The following SCLT1 variants were observed in gnomAD, a reference collection of about 807,000 sequenced individuals.
SCLT1 encodes the protein sodium channel-associated protein 1.
SCLT1 carries 78 observed loss-of-function variants against 112.8 expected under a neutral mutation model. That is an observed-to-expected ratio of 0.69 (90% CI 0.58 to 0.83). The LOEUF (loss-of-function observed/expected upper bound fraction) is 0.83, where lower values mean the gene tolerates loss of function less well. Among genes scored for constraint, SCLT1 ranks in the 40% least tolerant of loss-of-function variants. SCLT1 has a pLI of 0.00. For missense variants in SCLT1, 747 were observed against 770.4 expected (o/e 0.97, Z 0.36); for synonymous variants, 257 against 254.7 (o/e 1.01, Z -0.09).
At chr4:128,956,538 T>C (rs1450488373) in intron 13 of SCLT1, among the ~76,000 whole-genome samples, 2 of 152,088 alleles carry the variant, frequency 1.3e-5, no homozygotes, top group Non-Finnish European at 2.9e-5. Context: ...ATTTTTTTCT[T>C]TACACCATGA....
At chr4:128,986,034 A>G (rs1191989797) in intron 9 of SCLT1, among the ~76,000 whole-genome samples, 2 of 152,236 alleles carry the variant, frequency 1.3e-5, no homozygotes, top group Admixed American at 1.3e-4. Flanking sequence ...CATGTGAGTG[A>G]TCACAATACC....
At chr4:129,053,280 T>C (rs775486616) in intron 2 of SCLT1, among the ~76,000 whole-genome samples, 2 of 152,134 alleles carry the variant, frequency 1.3e-5, no homozygotes, top group African/African-American at 2.4e-5. Context: ...GTCCAGGATA[T>C]TCTTGTTAAT....
chr4:129,039,900 G>GCACACA (rs36041794), intron 4 of SCLT1: 91 of 218,898 alleles, frequency 4.2e-4, no homozygotes, highest in Middle Eastern at 1.6e-3. Context: ...GTGCGCGCGC[G>GCACACA]CACACACACA....
chr4:128,891,242 G>C (rs1276390926), intron 18 of SCLT1, 105 bp from the exon 19 acceptor site: 6 of 835,614 alleles, frequency 7.2e-6, no homozygotes, highest in Non-Finnish European at 9.7e-6. Context: ...ATATCATCTT[G>C]AGGTGGAAAA....
intron 18 of SCLT1, among the ~76,000 whole-genome samples, chr4:128,906,057 C>T (rs777854959): frequency 6.6e-6 from 1 of 151,984 alleles, no homozygotes; most frequent in Non-Finnish European, 1.5e-5. Context: ...TTTTTTTAGC[C>T]TATGCATGCT....
In SCLT1 at chr4:128,965,283, T is replaced by C; in HGVS notation, c.813A>G (p.Glu271=). Residue 271 remains glutamate (E), a synonymous_variant, in exon 11 of 21, where the codon GAA becomes GAG. Coordinates refer to ENST00000281142, the MANE Select transcript of SCLT1 (RefSeq NM_144643.4). ...ACTGCTGTAAACGCCTATCTGATGC[T>C]TCCTCTCTTCCATGGGCAGACACCA... ...KDVVSAHGRE[E]ASDRRLQQLQ... 2 of 1,610,248 alleles carry C rather than the reference T, an allele frequency of 1.2e-6. No individual in the cohort carries two copies. The highest frequency in any genetic ancestry group is 1.7e-6 in the Non-Finnish European group (2 of 1,176,690).
At chr4:129,092,869 G>T (rs2125792877) in intron 1 of SCLT1, among the ~76,000 whole-genome samples, 1 of 152,278 alleles carries the variant, frequency 6.6e-6, no homozygotes, top group Admixed American at 6.5e-5. Flanking sequence ...TTCTGTGTAA[G>T]CTACAAGTAC....
At chr4:128,938,091 A>G (rs1268143467) in intron 17 of SCLT1, among the ~76,000 whole-genome samples, 1 of 152,248 alleles carries the variant, frequency 6.6e-6, no homozygotes, top group African/African-American at 2.4e-5. Context: ...CTAAAGAAGT[A>G]TAAAGAACAC....
At chr4:128,995,499 A>AT (rs977522066) in intron 8 of SCLT1, among the ~76,000 whole-genome samples, 3 of 151,836 alleles carry the variant, frequency 2.0e-5, no homozygotes, top group African/African-American at 7.3e-5. Context: ...CTGGTTCTTC[A>AT]TTTTTCCTTG....
chr4:129,074,703 T>TA (rs1751313799), intron 2 of SCLT1, among the ~76,000 whole-genome samples: 1 of 152,192 alleles, frequency 6.6e-6, no homozygotes, highest in South Asian at 2.1e-4. Flanking sequence ...AATTTCTATT[T>TA]ATCTTTTTAA....
chr4:129,036,684 T>C (rs1392081734), intron 5 of SCLT1: 1 of 151,574 alleles, frequency 6.6e-6, no homozygotes, highest in Non-Finnish European at 1.5e-5. Context: ...GAAAGAAAAC[T>C]AATGGAAAAT....
chr4:128,902,908 ACAG>A (rs1734431241), intron 18 of SCLT1, among the ~76,000 whole-genome samples: 1 of 152,142 alleles, frequency 6.6e-6, no homozygotes. Context: ...CAACGCCTAC[ACAG>A]GGTCAGGATT....
rs1753028483 is a variant in SCLT1, at chr4:129,093,354, C to A, written c.-251G>T. 3.6e-6 allele frequency: 2 copies of A among 560,534 alleles called. No individual in the cohort carries two copies. The highest frequency in any genetic ancestry group is 3.2e-6 in the Non-Finnish European group (1 of 312,998). The allele number at this position is 560,534 out of a possible 1,614,324, so 34.7% of individuals were successfully genotyped here. A position where few individuals can be genotyped will look rare whatever the true frequency, so the allele number is the denominator to read the frequency against. ...GGACTCCACGTTCAACCGAATCCCACGCTGGTGGGAAGAGGACGCGGTCGA... is the reference window on the plus strand; with the variant it reads ...GGACTCCACGTTCAACCGAATCCCAAGCTGGTGGGAAGAGGACGCGGTCGA... On this transcript the variant is annotated 5_prime_UTR_variant, in exon 1 of 21. Transcript: ENST00000281142.
At chr4:128,958,836 G>A (rs757537260) in intron 12 of SCLT1, among the ~76,000 whole-genome samples, 13 of 152,036 alleles carry the variant, frequency 8.6e-5, no homozygotes, top group Admixed American at 3.3e-4. Flanking sequence ...TTATTTATGA[G>A]CTTCTCAATA....
intron 18 of SCLT1, among the ~76,000 whole-genome samples, chr4:128,922,121 G>T (rs1735932152): frequency 6.6e-6 from 1 of 152,098 alleles, no homozygotes; most frequent in Non-Finnish European, 1.5e-5. Flanking sequence ...CATCAGAATT[G>T]ATATTATTAA....
At chr4:129,023,890 C>T (rs971962445) in intron 5 of SCLT1, among the ~76,000 whole-genome samples, 9 of 152,204 alleles carry the variant, frequency 5.9e-5, no homozygotes, top group East Asian at 1.9e-4. Context: ...GATTATATCC[C>T]GCACCTGGCT....
chr4:128,946,656 A>G (rs1738194773), intron 15 of SCLT1, among the ~76,000 whole-genome samples: 1 of 152,236 alleles, frequency 6.6e-6, no homozygotes. Flanking sequence ...CAGCTGAAGT[A>G]AAAATAAATG....
intron 4 of SCLT1, chr4:129,039,887 A>AGTGT (rs1225471057): frequency 1.1e-4 from 29 of 254,500 alleles, no homozygotes; most frequent in African/African-American, 5.7e-4. Context: ...GCAAATGGAG[A>AGTGT]GTGTGCGCGC....
chr4:128,989,057 A>T (rs78256699), intron 9 of SCLT1, among the ~76,000 whole-genome samples: 2,682 of 152,050 alleles, frequency 0.018, 98 homozygotes, highest in African/African-American at 0.062. Context: ...CTCTTTCAGA[A>T]TTGGACAGAT....
Sources: allele counts gnomAD v4.1 joint callset (sites outside exome capture counted in the v4.1 genomes callset), GRCh38; gene constraint gnomAD v4.1.1; transcripts MANE v1.5; gene names NCBI Gene and HGNC (gene_info 2026-07-23, HGNC 2026-07-21).